WDR47: variants seen among roughly 807,000 people sequenced by gnomAD.
The protein encoded by WDR47 is WD repeat-containing protein 47.
WDR47 carries 32 observed loss-of-function variants against 97.2 expected under a neutral mutation model. That is an observed-to-expected ratio of 0.33 (90% confidence interval 0.25 to 0.44). The LOEUF is 0.44. WDR47 is among the 20% of genes least tolerant of loss of function. The probability of loss-of-function intolerance (pLI) is 1.00; values close to 1 mark genes in which losing one functional copy is unlikely to be tolerated. For synonymous variants in WDR47, 375 were observed against 373.5 expected, an observed-to-expected ratio of 1.00 and a Z score of -0.05; for missense variants, 782 against 1,102.3, an observed-to-expected ratio of 0.71 and a Z score of 4.11.
intron 13 of WDR47, among the ~76,000 whole-genome samples, chr1:108,980,586 G>A (rs769981717): frequency 1.6e-4 from 25 of 151,858 alleles, no homozygotes; most frequent in East Asian, 3.9e-4. Context: ...AAAATTAGCC[G>A]GGTATGGTGG....
chr1:108,979,516 C>A (rs1378532656), intron 13 of WDR47, among the ~76,000 whole-genome samples: 2 of 148,780 alleles, frequency 1.3e-5, no homozygotes, highest in East Asian at 4.1e-4. Flanking sequence ...CAGAACAAGA[C>A]CCTGTCTCAG....
chr1:108,986,598 G>A lies in WDR47; in HGVS notation c.1850C>T (p.Ala617Val). The A allele has an allele frequency of 6.2e-7, 1 of 1,613,772 alleles. No individual in the cohort carries two copies. Among genetic ancestry groups the A allele is most frequent in the Non-Finnish European group, 8.5e-7 (1 of 1,179,796 alleles). Reference protein sequence around the residue: ...QAVRAVAFHPAGGLYAVGSNS... With the variant: ...QAVRAVAFHPVGGLYAVGSNS... ...TGAACCAACAGCATATAAACCTCCA[G>A]CTGGATGAAAAGCCACTGCTCTAAC... Residue 617 changes from alanine to valine, a missense_variant, in exon 10 of 15, where the codon GCT (alanine) becomes GTT (valine). Transcript: ENST00000369962.
rs150831734 is a variant in WDR47, at chr1:108,998,244, C to T, written c.1434-2407G>A. Among the ~76,000 whole-genome samples the T allele has an allele frequency of 6.6e-4, 100 of 152,090 alleles. 1 individual carries two copies. The highest frequency in any genetic ancestry group is 1.6e-4 in the Non-Finnish European group (11 of 67,960). Reference sequence around the variant, plus strand: ...CAGGCCAGGCACAGTGGCTCATGTCCGTAATCCTAGCACTTTGGGAGGCCA... The same window carrying T: ...CAGGCCAGGCACAGTGGCTCATGTCTGTAATCCTAGCACTTTGGGAGGCCA... On this transcript the variant is annotated intron_variant, in intron 7 of 14. Coordinates refer to ENST00000369962, the MANE Select transcript of WDR47 (RefSeq NM_001142551.2).
In WDR47 at chr1:108,992,894, T is replaced by C. The variant is rs1038488724; in HGVS notation, c.1692-1565A>G. 69 of 1,237,862 alleles carry C rather than the reference T, an allele frequency of 5.6e-5. 1 individual carries two copies. The highest frequency in any genetic ancestry group is 3.6e-4 in the Admixed American group (19 of 52,210). The allele number at this position is 1,237,862 out of a possible 1,614,324, so 76.7% of individuals were successfully genotyped here. A position where few individuals can be genotyped will look rare whatever the true frequency, so the allele number is the denominator to read the frequency against. On this transcript the variant is annotated intron_variant, in intron 8 of 14. Transcript: ENST00000369962. ...AAAAAAAAAGTAAATCCATAGAAAA[T>C]AGAGGTGAGGAAATTGCTAAATAAT...
chr1:108,981,395 G>T (rs1658336053), intron 13 of WDR47, among the ~76,000 whole-genome samples: 3 of 152,050 alleles, frequency 2.0e-5, no homozygotes, highest in Admixed American at 2.0e-4. Flanking sequence ...AATAGGAATG[G>T]AAAGAAAATA....
chr1:109,033,964 T>A (rs1662770219), intron 1 of WDR47, among the ~76,000 whole-genome samples: 1 of 152,150 alleles, frequency 6.6e-6, no homozygotes. Flanking sequence ...ACTGACTTTT[T>A]GAGAGAATTT....
At chr1:108,981,626 A>G (rs1571144009) in intron 13 of WDR47, 107 bp downstream of exon 13, 1 of 1,089,314 alleles carries the variant, frequency 9.2e-7, no homozygotes, top group East Asian at 2.9e-5. Flanking sequence ...AATATCAAGT[A>G]TTTATTTCAC....
chr1:109,000,392 C>A (rs1660089625), intron 7 of WDR47, among the ~76,000 whole-genome samples: 1 of 151,192 alleles, frequency 6.6e-6, no homozygotes, highest in African/African-American at 2.4e-5. Context: ...ACCTGTAATG[C>A]CAGCTACTCA....
intron 1 of WDR47, among the ~76,000 whole-genome samples, chr1:109,025,422 C>T (rs1662140344): frequency 9.4e-6 from 1 of 106,644 alleles, no homozygotes. Context: ...TAGCGTGAGA[C>T]TCTGCCTCAA....
chr1:109,023,003 G>A (rs1049827905), intron 2 of WDR47, among the ~76,000 whole-genome samples: 9 of 151,646 alleles, frequency 5.9e-5, no homozygotes, highest in Non-Finnish European at 1.2e-4. Flanking sequence ...AGGAGATCGA[G>A]ACCATCCTGG....
chr1:109,001,901 AAAGC>A (rs200002849), intron 7 of WDR47, among the ~76,000 whole-genome samples: 14 of 147,398 alleles, frequency 9.5e-5, no homozygotes, highest in African/African-American at 1.5e-4. Flanking sequence ...CAAAAAAAAA[AAAGC>A]AGCAGATAAA....
chr1:108,999,154 G>C (rs895871101), intron 7 of WDR47, among the ~76,000 whole-genome samples: 1 of 151,738 alleles, frequency 6.6e-6, no homozygotes. Context: ...TTAAACCTGG[G>C]AGGCAGAGGT....
rs1344432377 is a variant in WDR47 at position 109,004,661 on chromosome 1, A to G, written c.1185T>C (p.Ser395=). 6.2e-7 allele frequency: 1 copy of G among 1,613,422 alleles called. No homozygotes were observed. The highest frequency in any genetic ancestry group is 1.1e-5 in the South Asian group (1 of 91,016). Residue 395 remains serine, a synonymous_variant, in exon 6 of 15, where the codon AGT becomes AGC. Transcript: ENST00000369962. The part of the protein sequence containing the change: ...RPIGSEILGQ[S]SVSEKEPANG... ...TTGCAGGCTCTTTTTCTGAAACTGAACTCTGGCCCAAGATTTCACTGCCGA... is the reference window on the plus strand; with the variant it reads ...TTGCAGGCTCTTTTTCTGAAACTGAGCTCTGGCCCAAGATTTCACTGCCGA...
chr1:108,978,847 A>G (rs1224984605), intron 13 of WDR47, among the ~76,000 whole-genome samples: 1 of 152,232 alleles, frequency 6.6e-6, no homozygotes, highest in African/African-American at 2.4e-5. Flanking sequence ...TGAAAAAGAC[A>G]GCATTTGTTA....
intron 1 of WDR47, among the ~76,000 whole-genome samples, chr1:109,028,227 C>A (rs1340559696): frequency 6.6e-6 from 1 of 152,072 alleles, no homozygotes; most frequent in African/African-American, 2.4e-5. Context: ...CTCTGAGGCC[C>A]AGGCAGGAGT....
rs200281024 is a variant in WDR47, at chr1:108,995,909, AGT to A, written c.1434-74_1434-73del. The A allele has an allele frequency of 9.6e-6, 14 of 1,463,294 alleles. No individual in the cohort carries two copies. The East Asian group carries it at 3.3e-4, about 34-fold the overall frequency. The allele number at this position is 1,463,294 out of a possible 1,614,324, so 90.6% of individuals were successfully genotyped here. On this transcript the variant is annotated intron_variant, in intron 7 of 14. Transcript: ENST00000369962. ...CATTCCTAATATATACAAGGTTAAAAGTGTGAAAAGGTAAAAATATGCACATA... is the reference window on the plus strand; with the variant it reads ...CATTCCTAATATATACAAGGTTAAAAGTGAAAAGGTAAAAATATGCACATA...
intron 10 of WDR47, among the ~76,000 whole-genome samples, chr1:108,984,702 AC>A (rs551592057): frequency 1.3e-5 from 2 of 152,076 alleles, no homozygotes; most frequent in South Asian, 4.1e-4. Flanking sequence ...ACATGGTGAA[AC>A]CCCGTCGCTA....
rs376769975 is a variant in WDR47 at position 108,974,524 on chromosome 1, G to C, written c.2617+12C>G. 47 of 1,609,030 alleles carry C rather than the reference G, an allele frequency of 2.9e-5. No homozygotes were observed. Among genetic ancestry groups the C allele is most frequent in the Non-Finnish European group, 3.9e-5 (46 of 1,176,324 alleles). ...AGGAAAGACTAAAAACAGAGAAGTC[G>C]ATCTCAATCACCTTGTAGGTCTGTC... On this transcript the variant is annotated intron_variant, in intron 14 of 14. Coordinates refer to ENST00000369962, the MANE Select transcript of WDR47 (RefSeq NM_001142551.2).
chr1:109,004,331 A>T (rs1386160450), intron 6 of WDR47, among the ~76,000 whole-genome samples: 4 of 152,192 alleles, frequency 2.6e-5, no homozygotes, highest in Non-Finnish European at 4.4e-5. Flanking sequence ...GTCGCAAAGC[A>T]TGTAAAACAT....
Sources: gnomAD v4.1 joint callset for allele counts (sites outside exome capture counted in the v4.1 genomes callset) on GRCh38, gnomAD v4.1.1 for gene constraint, MANE v1.5 for transcripts, NCBI Gene and HGNC (gene_info 2026-07-23, HGNC 2026-07-21) for gene names.